Variants in PCDHGA1 observed in about 807,000 individuals in gnomAD.
PCDHGA1 encodes protocadherin gamma-A1.
In PCDHGA1, 32 loss-of-function variants were observed where a neutral mutation model predicts 58.0. The observed-to-expected ratio is 0.55, with a 90% CI of 0.42 to 0.74. The LOEUF (loss-of-function observed/expected upper bound fraction) is 0.74. PCDHGA1 is among the 30% of genes least tolerant of loss of function. The pLI, the probability that PCDHGA1 is intolerant of heterozygous loss-of-function variation, is 0.00. For missense variants in PCDHGA1, 1,205 were observed against 1,182.3 expected, an observed-to-expected ratio of 1.02 and a Z score of -0.28; for synonymous variants, 498 against 501.1, an observed-to-expected ratio of 0.99 and a Z score of 0.08.
At chr5:141,338,035 C>T (rs1359831668) in intron 1 of PCDHGA1, among the ~76,000 whole-genome samples, 1 of 152,166 alleles carries the variant, frequency 6.6e-6, no homozygotes, top group African/African-American at 2.4e-5. Context: ...TTCAATCCTA[C>T]TTTTTATGAT....
In PCDHGA1 at chr5:141,485,179, C is replaced by G. The variant is rs1405000217; in HGVS notation, c.2422-9628C>G. The G allele has an allele frequency of 1.2e-6, 2 of 1,612,648 alleles. No homozygotes were observed. Among genetic ancestry groups the G allele is most frequent in the African/African-American group, 2.7e-5 (2 of 74,924 alleles). ...AGAATTAGCGGGCGGCAGCAATGCT[C>G]CGCAAGGTGAGAAGCTGGACAGAAA... is the stretch of plus-strand genomic sequence containing the variant. On this transcript the variant is annotated intron_variant, in intron 1 of 3. Transcript: ENST00000517417. This position sits in a 1 kb window ranked among gnomAD's most constrained non-coding sequence, Gnocchi z 5.7.
intron 1 of PCDHGA1, among the ~76,000 whole-genome samples, chr5:141,450,639 A>T (rs1390959433): frequency 6.6e-6 from 1 of 151,390 alleles, no homozygotes; most frequent in Non-Finnish European, 1.5e-5. Flanking sequence ...GATGCCTGCC[A>T]CCATGCCTGG....
chr5:141,362,239 C>T, intron 1 of PCDHGA1: 1 of 1,614,060 alleles, frequency 6.2e-7, no homozygotes, highest in Non-Finnish European at 8.5e-7. Flanking sequence ...GATCTCAGTG[C>T]TCTTCTTCCT....
intron 1 of PCDHGA1, among the ~76,000 whole-genome samples, chr5:141,407,446 C>T (rs1314408901): frequency 6.7e-6 from 1 of 149,410 alleles, no homozygotes. Context: ...AACCAGAACA[C>T]GAGGCTCACC....
chr5:141,374,896 A>T (rs1038384205), intron 1 of PCDHGA1: 1 of 1,613,804 alleles, frequency 6.2e-7, no homozygotes, highest in Non-Finnish European at 8.5e-7. Flanking sequence ...ACCAGGATGA[A>T]GGAGTCCACG....
intron 1 of PCDHGA1, chr5:141,424,630 A>G (rs1440031596): frequency 1.3e-5 from 2 of 152,366 alleles, no homozygotes; most frequent in East Asian, 3.9e-4. Flanking sequence ...TTGTGAATAT[A>G]TAAATAGATT....
chr5:141,381,188 T>G (rs1271101708), intron 1 of PCDHGA1, among the ~76,000 whole-genome samples: 1 of 152,222 alleles, frequency 6.6e-6, no homozygotes, highest in Non-Finnish European at 1.5e-5. Context: ...GAAGTTAAGC[T>G]TTCTTAGTGT....
chr5:141,349,143 T>C (rs1480215527), intron 1 of PCDHGA1, among the ~76,000 whole-genome samples: 1 of 152,204 alleles, frequency 6.6e-6, no homozygotes, highest in Non-Finnish European at 1.5e-5. Flanking sequence ...TGATCTCAAC[T>C]CACTGCAACC....
chr5:141,422,777 C>CCCTACAAT, intron 1 of PCDHGA1: 2 of 1,613,982 alleles, frequency 1.2e-6, no homozygotes, highest in Non-Finnish European at 1.7e-6. Context: ...GTTCTCTATG[C>CCCTACAAT]CCTACAATCC....
At chr5:141,340,348 C>A (rs151215678) in intron 1 of PCDHGA1, 1 of 1,614,192 alleles carries the variant, frequency 6.2e-7, no homozygotes. Context: ...CCTACTCCAC[C>A]TACATTCCCG....
At position 141,355,073 on chromosome 5, in the gene PCDHGA1, G is replaced by A. The variant is rs564190348; in HGVS notation, c.2421+21968G>A. 7.9e-5 allele frequency: 109 copies of A among 1,374,920 alleles called. No individual in the cohort carries two copies. The African/African-American group carries it at 9.3e-4, about 12-fold the overall frequency. The allele number at this position is 1,374,920 out of a possible 1,614,324, so 85.2% of individuals were successfully genotyped here. A position where few individuals can be genotyped will look rare whatever the true frequency, so the allele number is the denominator to read the frequency against. On this transcript the variant is annotated intron_variant, in intron 1 of 3. Coordinates refer to ENST00000517417, the MANE Select transcript of PCDHGA1 (RefSeq NM_018912.3). ...GCACTGGCTCTGGAGCTTTATGAAA[G>A]CTTCAAGCGGAAGCCCTGAGAGCTC...
intron 1 of PCDHGA1, among the ~76,000 whole-genome samples, chr5:141,381,018 ATTAG>A (rs1442442460): frequency 4.6e-5 from 7 of 152,398 alleles, no homozygotes; most frequent in Admixed American, 1.3e-4. Context: ...TAATACCTCT[ATTAG>A]TTCCTTTAAA....
Position 141,389,732 on chromosome 5 carries a change from C to T in PCDHGA1, c.2421+56627C>T, listed in dbSNP as rs765577336. 11 of 1,612,674 alleles carry T rather than the reference C, an allele frequency of 6.8e-6. No homozygotes were observed. The South Asian group carries it at 1.2e-4, about 18-fold the overall frequency. ...AGGCTAGCGAGCCCGGGCTCTTCAGCCTGGGGCTGCGCACGGGCGAAGTGC... is the reference window on the plus strand; with the variant it reads ...AGGCTAGCGAGCCCGGGCTCTTCAGTCTGGGGCTGCGCACGGGCGAAGTGC... On this transcript the variant is annotated intron_variant, in intron 1 of 3. Transcript: ENST00000517417.
chr5:141,352,510 A>G (rs572735665), intron 1 of PCDHGA1: 6 of 1,613,854 alleles, frequency 3.7e-6, no homozygotes, highest in South Asian at 2.2e-5. Flanking sequence ...CCTACAATCT[A>G]TGTATTGCCT....
chr5:141,394,760 T>C (rs374519404), intron 1 of PCDHGA1: 68 of 1,613,366 alleles, frequency 4.2e-5, no homozygotes, highest in Middle Eastern at 3.3e-4. Flanking sequence ...TCCAGGACCA[T>C]GGCCAGCCCC....
chr5:141,377,009 G>A (rs1392243564), intron 1 of PCDHGA1: 2 of 155,212 alleles, frequency 1.3e-5, no homozygotes, highest in Non-Finnish European at 2.9e-5. Flanking sequence ...TTTATTGGTT[G>A]ACAGGAAAAT....
intron 1 of PCDHGA1, among the ~76,000 whole-genome samples, chr5:141,397,777 C>T (rs1589309887): frequency 6.6e-6 from 1 of 152,170 alleles, no homozygotes; most frequent in Non-Finnish European, 1.5e-5. Flanking sequence ...AGTATATGGA[C>T]GTAAAAACTT....
At chr5:141,509,143 C>T (rs1022878562) in intron 3 of PCDHGA1, among the ~76,000 whole-genome samples, 9 of 152,138 alleles carry the variant, frequency 5.9e-5, no homozygotes, top group Non-Finnish European at 1.0e-4. Flanking sequence ...AGGCGCATCC[C>T]GGCTCTCCCC....
chr5:141,395,126 C>T, intron 1 of PCDHGA1: 3 of 1,614,196 alleles, frequency 1.9e-6, no homozygotes, highest in Non-Finnish European at 2.5e-6. Flanking sequence ...TGATCTTTCC[C>T]CAGCCCAACT....
Sources: gnomAD v4.1 joint callset for allele counts (sites outside exome capture counted in the v4.1 genomes callset) on GRCh38, gnomAD v4.1.1 for gene constraint, Gnocchi (gnomAD v3.1) non-coding constraint, MANE v1.5 for transcripts, NCBI Gene and HGNC (gene_info 2026-07-23, HGNC 2026-07-21) for gene names.